The following GOLM1 variants were observed in gnomAD, a reference collection of about 807,000 sequenced individuals.
GOLM1 encodes golgi membrane protein 1.
Under a neutral mutation model 50.5 loss-of-function variants are expected in GOLM1, and 31 were observed. The observed-to-expected ratio is 0.61, with a 90% CI of 0.46 to 0.83. The LOEUF is 0.83. Among genes scored for constraint, GOLM1 ranks in the 40% least tolerant of loss-of-function variants. The probability of loss-of-function intolerance (pLI) is 0.00; values close to 1 mark genes in which losing one functional copy is unlikely to be tolerated. For synonymous variants in GOLM1, 178 were observed against 192.8 expected (o/e 0.92, Z 0.64); for missense variants, 491 against 501.3 (o/e 0.98, Z 0.20).
chr9:86,079,346 C>T lies in GOLM1; in HGVS notation c.-21-5G>A, dbSNP rs762747809. 2 of 1,561,700 alleles carry T rather than the reference C, an allele frequency of 1.3e-6. No individual in the cohort carries two copies. The highest frequency in any genetic ancestry group is 2.8e-5 in the African/African-American group (2 of 72,370). The stretch of plus-strand genomic sequence containing the variant: ...CTCAAAATCAGCGCTGAGAATCTGC[C>T]AAGTAAAAGCAAATAAATAAACATC... On this transcript the variant is annotated splice_polypyrimidine_tract_variant and splice_region_variant and intron_variant, in intron 1 of 9. Coordinates refer to ENST00000388712, the MANE Select transcript of GOLM1 (RefSeq NM_016548.4).
chr9:86,081,239 C>T (rs1468355185), intron 1 of GOLM1, among the ~76,000 whole-genome samples: 2 of 148,990 alleles, frequency 1.3e-5, no homozygotes, highest in African/African-American at 2.5e-5. Flanking sequence ...TCTTGTTTTC[C>T]AGGCTGGAGT....
intron 4 of GOLM1, among the ~76,000 whole-genome samples, chr9:86,051,099 T>C (rs2118723591): frequency 6.6e-6 from 1 of 152,142 alleles, no homozygotes; most frequent in East Asian, 1.9e-4. Flanking sequence ...ACATCCTTAT[T>C]TCTGCCTTCA....
At chr9:86,093,887 G>A (rs1169066668) in intron 1 of GOLM1, among the ~76,000 whole-genome samples, 2 of 152,192 alleles carry the variant, frequency 1.3e-5, no homozygotes, top group Non-Finnish European at 2.9e-5. Context: ...TAGCATGTTT[G>A]ACCAACATCA....
intron 3 of GOLM1, among the ~76,000 whole-genome samples, chr9:86,067,829 C>A (rs1834346816): frequency 6.6e-6 from 1 of 151,946 alleles, no homozygotes; most frequent in Non-Finnish European, 1.5e-5. Context: ...GTGGTGAAAC[C>A]CCATCTCTAC....
chr9:86,085,980 T>C (rs1411399602), intron 1 of GOLM1, among the ~76,000 whole-genome samples: 1 of 152,204 alleles, frequency 6.6e-6, no homozygotes, highest in African/African-American at 2.4e-5. Context: ...ATCCTTTGGG[T>C]ATATACCCAG....
intron 1 of GOLM1, among the ~76,000 whole-genome samples, chr9:86,094,490 G>A (rs909503750): frequency 5.9e-5 from 9 of 152,222 alleles, no homozygotes; most frequent in African/African-American, 2.2e-4. Flanking sequence ...GAAGCTGACA[G>A]TGTCTAAAGA....
chr9:86,096,676 C>A (rs1835364135), intron 1 of GOLM1, among the ~76,000 whole-genome samples: 1 of 152,086 alleles, frequency 6.6e-6, no homozygotes, highest in Non-Finnish European at 1.5e-5. Context: ...AAGACACAGG[C>A]CCAAAATACT....
chr9:86,087,182 G>A (rs921569141), intron 1 of GOLM1, among the ~76,000 whole-genome samples: 1 of 152,104 alleles, frequency 6.6e-6, no homozygotes, highest in Non-Finnish European at 1.5e-5. Flanking sequence ...CTTGTAAGTT[G>A]TACTCTTAGG....
Position 86,027,615 on chromosome 9 carries a change from C to T in GOLM1, c.*202G>A, listed in dbSNP as rs1333676529. 1 of 1,350,484 alleles carries T rather than the reference C, an allele frequency of 7.4e-7. No individual in the cohort carries two copies. Among genetic ancestry groups the T allele is most frequent in the East Asian group, 2.9e-5 (1 of 34,118 alleles). 83.7% of individuals were successfully genotyped at this position (1,350,484 alleles called of 1,614,324 possible). A position where few individuals can be genotyped will look rare whatever the true frequency, so the allele number is the denominator to read the frequency against. Reference sequence around the variant, plus strand: ...CCAAAAATTGTGACACCTTATTAGACACTTCCAAAGTACCCCCCAAAAGCT... The same window carrying T: ...CCAAAAATTGTGACACCTTATTAGATACTTCCAAAGTACCCCCCAAAAGCT... On this transcript the variant is annotated 3_prime_UTR_variant, in exon 10 of 10. Coordinates refer to ENST00000388712, the MANE Select transcript of GOLM1 (RefSeq NM_016548.4).
chr9:86,073,495 C>T (rs79188422), intron 3 of GOLM1, among the ~76,000 whole-genome samples: 2,402 of 152,280 alleles, frequency 0.016, 63 homozygotes, highest in African/African-American at 0.054. Context: ...CATTCTGCAT[C>T]AGAACACCAG....
rs548939946 is a variant in GOLM1 at position 86,027,286 on chromosome 9, C to T, written c.*531G>A. On this transcript the variant is annotated 3_prime_UTR_variant, in exon 10 of 10. Coordinates refer to ENST00000388712, the MANE Select transcript of GOLM1 (RefSeq NM_016548.4). ...ACTTTGCTAGTGACGTTTGTGTTAACAGTCAGTGCTCTAGGCCATTGATTG... is the reference window on the plus strand; with the variant it reads ...ACTTTGCTAGTGACGTTTGTGTTAATAGTCAGTGCTCTAGGCCATTGATTG... 5 of 984,428 alleles carry T rather than the reference C, an allele frequency of 5.1e-6. No individual in the cohort carries two copies. The highest frequency in any genetic ancestry group is 5.2e-4 in the Middle Eastern group (1 of 1,936). 61.0% of individuals were successfully genotyped at this position (984,428 alleles called of 1,614,324 possible). A position where few individuals can be genotyped will look rare whatever the true frequency, so the allele number is the denominator to read the frequency against.
At position 86,035,592 on chromosome 9, in the gene GOLM1, T is replaced by G; in HGVS notation, c.791A>C (p.Glu264Ala). 1.2e-6 allele frequency: 2 copies of G among 1,601,648 alleles called. No individual in the cohort carries two copies. The highest frequency in any genetic ancestry group is 1.1e-5 in the South Asian group (1 of 90,956). The change falls in exon 8 of 10, where the codon GAG becomes GCG. Residue 264 changes from glutamate to alanine, a missense_variant. By Grantham distance (107) the Glu-to-Ala change is moderately radical. Coordinates refer to ENST00000388712, the MANE Select transcript of GOLM1 (RefSeq NM_016548.4). Reference protein sequence around the residue: ...ETNEIQVVNEEPQRDRLPQEP... With the variant: ...ETNEIQVVNEAPQRDRLPQEP... ...CTGCGGCAGCCTGTCCCTCTGAGGC[T>G]CCTCATTCACCACCTGGATCTCATT...
At chr9:86,067,956 A>C (rs917612721) in intron 3 of GOLM1, among the ~76,000 whole-genome samples, 3 of 152,304 alleles carry the variant, frequency 2.0e-5, no homozygotes, top group African/African-American at 7.2e-5. Flanking sequence ...CAGCGAACCA[A>C]GATCACATCA....
chr9:86,038,199 C>G (rs187235892), intron 6 of GOLM1, among the ~76,000 whole-genome samples: 6 of 151,844 alleles, frequency 4.0e-5, no homozygotes, highest in Admixed American at 3.9e-4. Flanking sequence ...CTGCCCCAGT[C>G]ATAAGGGACT....
rs1331603245 is a variant in GOLM1 at position 86,026,436 on chromosome 9, G to C, written c.*1381C>G. 3 of 984,640 alleles carry C rather than the reference G, an allele frequency of 3.0e-6. No homozygotes were observed. In the African/African-American group the frequency reaches 5.2e-5, roughly 17 times the overall value. 61.0% of individuals were successfully genotyped at this position (984,640 alleles called of 1,614,324 possible). On this transcript the variant is annotated 3_prime_UTR_variant, in exon 10 of 10. Transcript: ENST00000388712. ...GCAAACAGGGCCTGCTTCAGTGACT[G>C]TGTGCCTGTAGTCCCAGCTACTCGG...
chr9:86,089,714 G>T (rs1835111836), intron 1 of GOLM1, among the ~76,000 whole-genome samples: 1 of 152,188 alleles, frequency 6.6e-6, no homozygotes, highest in South Asian at 2.1e-4. Context: ...TGCTCCTTTA[G>T]CTCGGAGGAG....
intron 2 of GOLM1, among the ~76,000 whole-genome samples, chr9:86,078,481 A>G (rs1191306529): frequency 6.6e-6 from 1 of 152,174 alleles, no homozygotes; most frequent in East Asian, 1.9e-4. Context: ...CAGGCCAAGG[A>G]CTTAGACAGC....
intron 6 of GOLM1, 36 bp from the exon 7 acceptor site, chr9:86,036,543 G>A (rs778434954): frequency 1.2e-6 from 2 of 1,607,544 alleles, no homozygotes; most frequent in South Asian, 2.2e-5. Context: ...GCCAGGGCAG[G>A]GCTCTGTGAA....
chr9:86,026,855 CCT>C lies in GOLM1; in HGVS notation c.*960_*961del. On this transcript the variant is annotated 3_prime_UTR_variant, in exon 10 of 10. Transcript: ENST00000388712. ...CTATGATAAAAACAACCATTGTATT[CCT>C]GTTTTTCTAAACAGTCCTAATTTCT... 1 of 981,296 alleles carries C rather than the reference CCT, an allele frequency of 1.0e-6. No homozygotes were observed. Among genetic ancestry groups the C allele is most frequent in the Non-Finnish European group, 1.2e-6 (1 of 826,196 alleles). The allele number at this position is 981,296 out of a possible 1,614,324, so 60.8% of individuals were successfully genotyped here.
Sources: allele counts gnomAD v4.1 joint callset (sites outside exome capture counted in the v4.1 genomes callset), GRCh38; gene constraint gnomAD v4.1.1; transcripts MANE v1.5; gene names NCBI Gene and HGNC (gene_info 2026-07-23, HGNC 2026-07-21).